The following ABCC6 variants were observed in gnomAD, a reference collection of about 807,000 sequenced individuals.
ABCC6 encodes the protein ATP-binding cassette sub-family C member 6.
A neutral mutation model predicts 169.5 loss-of-function variants in ABCC6; 126 were observed. The ratio of observed to expected loss-of-function variants is 0.74; its 90% confidence interval spans 0.64 to 0.86. The LOEUF is 0.86. Ranked by LOEUF, ABCC6 falls within the 40% of genes least tolerant of loss-of-function variation. The pLI, the probability that ABCC6 is intolerant of heterozygous loss-of-function variation, is 0.00. For missense variants in ABCC6, 1,733 were observed against 1,927.2 expected (o/e 0.90, Z 1.89); for synonymous variants, 752 against 814.7 (o/e 0.92, Z 1.31).
At position 16,174,735 on chromosome 16, in the gene ABCC6, C is replaced by T. The variant is rs186642934; in HGVS notation, c.2666+1176G>A. ...TTGTGCCATTGCACTCCAGCCTGGG[C>T]GACAGAGCAAGATTCTGTCTCAAAA... is the stretch of plus-strand genomic sequence containing the variant. On this transcript the variant is annotated intron_variant, in intron 20 of 30. Coordinates refer to ENST00000205557, the MANE Select transcript of ABCC6 (RefSeq NM_001171.6). Among the ~76,000 whole-genome samples, 107 of 131,824 alleles carry T rather than the reference C, an allele frequency of 8.1e-4. 1 individual carries two copies. Among genetic ancestry groups the T allele is most frequent in the African/African-American group, 2.7e-3 (101 of 37,404 alleles). The allele number at this position is 131,824 out of a possible 152,430, so 86.5% of individuals were successfully genotyped here.
intron 7 of ABCC6, 91 bp from the exon 8 acceptor site, chr16:16,203,704 C>T: frequency 5.0e-6 from 7 of 1,403,388 alleles, no homozygotes; most frequent in Non-Finnish European, 7.0e-6. Flanking sequence ...GTTTTCCCAA[C>T]AGTGGAGATG....
intron 6 of ABCC6, among the ~76,000 whole-genome samples, chr16:16,209,612 TA>T (rs1407477174): frequency 6.6e-6 from 1 of 151,548 alleles, no homozygotes; most frequent in African/African-American, 2.4e-5. Flanking sequence ...TAATTATTAT[TA>T]TTTTTTTTGA....
At chr16:16,157,628 C>T (rs1180747626) in intron 27 of ABCC6, 35 bp downstream of exon 27, 1 of 1,613,768 alleles carries the variant, frequency 6.2e-7, no homozygotes. Flanking sequence ...TTGGCCTAAA[C>T]TCCATGAAGA....
At chr16:16,200,553 G>T (rs1174124873) in intron 9 of ABCC6, among the ~76,000 whole-genome samples, 2 of 142,334 alleles carry the variant, frequency 1.4e-5, no homozygotes, top group African/African-American at 5.0e-5. Context: ...TCACCAGGCG[G>T]CCTTCCTCTT....
chr16:16,195,227 C>G (rs1312970679), intron 10 of ABCC6, among the ~76,000 whole-genome samples: 1 of 151,354 alleles, frequency 6.6e-6, no homozygotes, highest in East Asian at 1.9e-4. Flanking sequence ...TAGGAACTGT[C>G]TACCAAGAGG....
intron 9 of ABCC6, among the ~76,000 whole-genome samples, chr16:16,199,161 C>T (rs558465866): frequency 1.7e-4 from 26 of 149,252 alleles, no homozygotes; most frequent in African/African-American, 5.6e-4. Flanking sequence ...GAGCAAGACC[C>T]TGTCTTTAAA....
chr16:16,222,913 C>G (rs2049120926), intron 1 of ABCC6: 1 of 203,794 alleles, frequency 4.9e-6, no homozygotes, highest in South Asian at 6.9e-5. Flanking sequence ...TTAATAGCAG[C>G]AAAGTTCATA....
At chr16:16,168,924 T>A (rs2046968351) in intron 22 of ABCC6, among the ~76,000 whole-genome samples, 1 of 151,794 alleles carries the variant, frequency 6.6e-6, no homozygotes, top group Non-Finnish European at 1.5e-5. Context: ...CTACTAAAAA[T>A]ACAAAAATTA....
At chr16:16,163,345 G>T (rs2046785401) in intron 23 of ABCC6, among the ~76,000 whole-genome samples, 153 bp from the exon 24 acceptor site, 1 of 152,174 alleles carries the variant, frequency 6.6e-6, no homozygotes, top group African/African-American at 2.4e-5. Context: ...CCCTCTCTGG[G>T]TTCTCATTTC....
intron 20 of ABCC6, among the ~76,000 whole-genome samples, chr16:16,174,792 CA>C (rs2152245466): frequency 7.1e-6 from 1 of 140,472 alleles, no homozygotes; most frequent in South Asian, 2.6e-4. Flanking sequence ...AAACCTCAGA[CA>C]CATTAAATTT....
intron 10 of ABCC6, among the ~76,000 whole-genome samples, chr16:16,193,703 G>A (rs569769240): frequency 6.6e-6 from 1 of 152,216 alleles, no homozygotes; most frequent in Non-Finnish European, 1.5e-5. Flanking sequence ...GGCAGAGTGA[G>A]ACTCCGTCTC....
chr16:16,159,597 G>C lies in ABCC6; in HGVS notation c.3634-14C>G. On this transcript the variant is annotated splice_polypyrimidine_tract_variant and intron_variant, in intron 25 of 30. Transcript: ENST00000205557. ...TGTCTGGGTCACCTGGTGCAAGAAA[G>C]CCTCTCTGGCTGGGTTTGGCAAGGC... The C allele has an allele frequency of 6.2e-7, 1 of 1,613,604 alleles. No individual in the cohort carries two copies. Among genetic ancestry groups the C allele is most frequent in the Middle Eastern group, 1.6e-4 (1 of 6,062 alleles).
At chr16:16,176,264 CCT>C (rs1347437242) in intron 19 of ABCC6, among the ~76,000 whole-genome samples, 7 of 152,194 alleles carry the variant, frequency 4.6e-5, no homozygotes, top group African/African-American at 9.7e-5. Flanking sequence ...AGTCAAGTTA[CCT>C]CTGTTTCCCC....
intron 7 of ABCC6, among the ~76,000 whole-genome samples, chr16:16,207,442 T>C (rs1418494095): frequency 5.3e-5 from 8 of 152,166 alleles, no homozygotes; most frequent in South Asian, 2.1e-4. Flanking sequence ...AACACATAGA[T>C]AATAGTTGGG....
In ABCC6 at chr16:16,182,411, C is replaced by A; in HGVS notation, c.2247+1G>T. On this transcript the variant is annotated splice_donor_variant, in intron 17 of 30. Coordinates refer to ENST00000205557, the MANE Select transcript of ABCC6 (RefSeq NM_001171.6). LOFTEE classifies it high-confidence loss of function. The stretch of plus-strand genomic sequence containing the variant: ...TCCCAAAAAGACCCCCAAACTCTCA[C>A]CTGCTCCCCAATTGAAGTGTGGATT... The A allele has an allele frequency of 2.5e-6, 4 of 1,613,756 alleles. No homozygotes were observed. Among genetic ancestry groups the A allele is most frequent in the East Asian group, 2.2e-5 (1 of 44,886 alleles).
intron 1 of ABCC6, among the ~76,000 whole-genome samples, chr16:16,222,188 A>G (rs2049095714): frequency 6.6e-6 from 1 of 151,956 alleles, no homozygotes; most frequent in Admixed American, 6.6e-5. Flanking sequence ...GTTAATCCTT[A>G]TAACAACTCC....
rs771412471 is a variant in ABCC6 at position 16,176,005 on chromosome 16, C to A, written c.2591-19G>T. ...TCTGTTTCTGCAAGGTCAAGAGAGT[C>A]CTGTCACGCAACACGGCCCAGATAC... On this transcript the variant is annotated intron_variant, in intron 19 of 30. Coordinates refer to ENST00000205557, the MANE Select transcript of ABCC6 (RefSeq NM_001171.6). The A allele has an allele frequency of 6.2e-7, 1 of 1,612,970 alleles. No individual in the cohort carries two copies. The highest frequency in any genetic ancestry group is 1.1e-5 in the South Asian group (1 of 91,056).
At chr16:16,194,191 C>T (rs962240876) in intron 10 of ABCC6, among the ~76,000 whole-genome samples, 1 of 152,218 alleles carries the variant, frequency 6.6e-6, no homozygotes, top group African/African-American at 2.4e-5. Flanking sequence ...CTCTTGTCTG[C>T]AAAATGGGAA....
chr16:16,162,289 G>A (rs1017955596), intron 24 of ABCC6, among the ~76,000 whole-genome samples: 1 of 152,106 alleles, frequency 6.6e-6, no homozygotes, highest in Non-Finnish European at 1.5e-5. Flanking sequence ...CACCTAGTGT[G>A]TACTTGACCC....
Sources: allele counts gnomAD v4.1 joint callset (sites outside exome capture counted in the v4.1 genomes callset), GRCh38; gene constraint gnomAD v4.1.1; transcripts MANE v1.5; gene names NCBI Gene and HGNC (gene_info 2026-07-23, HGNC 2026-07-21).